SHLD2: variants seen among roughly 807,000 people sequenced by gnomAD.
SHLD2 encodes the protein shieldin complex subunit 2, also known as RINN1-REV7-interacting novel NHEJ regulator 2.
A neutral mutation model predicts 73.2 loss-of-function variants in SHLD2; 30 were observed. The observed-to-expected ratio is 0.41, with a 90% CI of 0.31 to 0.56. The LOEUF (loss-of-function observed/expected upper bound fraction) is 0.56. SHLD2 is among the 20% of genes least tolerant of loss of function. The probability of loss-of-function intolerance (pLI) is 0.28; values close to 1 mark genes in which losing one functional copy is unlikely to be tolerated. For missense variants in SHLD2, 745 were observed against 1,055.9 expected (o/e 0.71, Z 4.08); for synonymous variants, 285 against 370.1 (o/e 0.77, Z 2.64).
At chr10:87,138,368 T>A in intron 2 of SHLD2, among the ~76,000 whole-genome samples, 3 of 144,722 alleles carry the variant, frequency 2.1e-5, no homozygotes, top group Admixed American at 6.9e-5. Context: ...CATAAAGAGC[T>A]GAAAGAAAAA....
intron 2 of SHLD2, among the ~76,000 whole-genome samples, chr10:87,138,558 G>A (rs1178898900): frequency 1.3e-5 from 2 of 152,142 alleles, no homozygotes; most frequent in South Asian, 4.1e-4. Context: ...CAGCATATAT[G>A]TGATTATACA....
At chr10:87,187,910 G>A (rs1322763125) in intron 9 of SHLD2, among the ~76,000 whole-genome samples, 2 of 152,108 alleles carry the variant, frequency 1.3e-5, no homozygotes, top group African/African-American at 4.8e-5. Context: ...TTCAGGTTTT[G>A]TTGTTTCTCT....
At chr10:87,116,873 A>G (rs1183588169) in intron 2 of SHLD2, among the ~76,000 whole-genome samples, 12 of 152,308 alleles carry the variant, frequency 7.9e-5, no homozygotes, top group Non-Finnish European at 2.9e-5. Context: ...AGGAGGCAAG[A>G]TATTTCAGTA....
intron 2 of SHLD2, among the ~76,000 whole-genome samples, chr10:87,143,222 A>G (rs1293460393): frequency 1.6e-4 from 25 of 152,074 alleles, no homozygotes; most frequent in Non-Finnish European, 1.5e-5. Flanking sequence ...TACAAGCTTG[A>G]GCCACTATGC....
intron 2 of SHLD2, among the ~76,000 whole-genome samples, chr10:87,147,446 G>A (rs1845705412): frequency 1.3e-5 from 2 of 151,844 alleles, no homozygotes; most frequent in South Asian, 4.2e-4. Context: ...AACTGCAGTG[G>A]TGAAGCACTG....
intron 3 of SHLD2, among the ~76,000 whole-genome samples, chr10:87,156,354 C>T (rs574951175): frequency 3.9e-5 from 6 of 152,228 alleles, no homozygotes; most frequent in South Asian, 4.1e-4. Context: ...CGTGAGCCAT[C>T]GCGCCCGGCC....
chr10:87,095,565 C>G (rs943296920), intron 1 of SHLD2, among the ~76,000 whole-genome samples: 2 of 152,224 alleles, frequency 1.3e-5, no homozygotes, highest in African/African-American at 4.8e-5. Flanking sequence ...GAGGGCTCGG[C>G]GTCACCAGCC....
At chr10:87,170,750 T>A (rs1847542014) in intron 5 of SHLD2, 78 bp downstream of exon 5, 1 of 1,532,822 alleles carries the variant, frequency 6.5e-7, no homozygotes, top group African/African-American at 1.4e-5. Flanking sequence ...TACCATTTGG[T>A]TATCACTATA....
At chr10:87,179,232 G>C (rs1255070575) in intron 7 of SHLD2, among the ~76,000 whole-genome samples, 1 of 152,274 alleles carries the variant, frequency 6.6e-6, no homozygotes, top group Admixed American at 6.5e-5. Flanking sequence ...GAATATGCTT[G>C]AGGTTTCTTG....
intron 2 of SHLD2, among the ~76,000 whole-genome samples, chr10:87,144,243 G>C (rs1016886375): frequency 6.6e-6 from 1 of 152,082 alleles, no homozygotes; most frequent in African/African-American, 2.4e-5. Context: ...TTGGGAGAAG[G>C]CAAATGCCCT....
chr10:87,096,570 T>C, intron 1 of SHLD2, among the ~76,000 whole-genome samples: 1 of 151,882 alleles, frequency 6.6e-6, no homozygotes, highest in East Asian at 1.9e-4. Context: ...CTCGTCTCTA[T>C]AAAAAGAAAA....
At position 87,144,657 on chromosome 10, in the gene SHLD2, C is replaced by T. The variant is rs2760456; in HGVS notation, c.-5-6693C>T. On this transcript the variant is annotated intron_variant, in intron 2 of 9. Coordinates refer to ENST00000298786, the MANE Select transcript of SHLD2 (RefSeq NM_001330112.2). ...TTTTTTTTTTTTTGAGATGGTGTCT[C>T]GCTTTGTTGCCCAGGCTGGAATGCA... 4.6e-5 allele frequency among the ~76,000 whole-genome samples: 5 copies of T among 109,642 alleles called. No individual in the cohort carries two copies. In the East Asian group the frequency reaches 1.4e-3, roughly 30 times the overall value. The allele number at this position is 109,642 out of a possible 152,430, so 71.9% of individuals were successfully genotyped here.
chr10:87,138,414 C>G (rs954480503), intron 2 of SHLD2, among the ~76,000 whole-genome samples: 69 of 150,972 alleles, frequency 4.6e-4, no homozygotes, highest in Admixed American at 7.2e-4. Context: ...TTTCTATGGC[C>G]AGCAGAAATA....
intron 2 of SHLD2, among the ~76,000 whole-genome samples, chr10:87,119,838 C>G (rs1843483619): frequency 6.6e-6 from 1 of 151,472 alleles, no homozygotes. Flanking sequence ...ACAATTACTA[C>G]TGGATGCCTG....
At chr10:87,112,862 A>G (rs997833309) in intron 2 of SHLD2, among the ~76,000 whole-genome samples, 1 of 152,184 alleles carries the variant, frequency 6.6e-6, no homozygotes, top group African/African-American at 2.4e-5. Context: ...TCAAAAAGTT[A>G]AACATACAGT....
intron 2 of SHLD2, among the ~76,000 whole-genome samples, chr10:87,139,460 TAGAAA>T (rs1257991642): frequency 6.6e-6 from 1 of 151,956 alleles, no homozygotes; most frequent in Non-Finnish European, 1.5e-5. Context: ...GAAAAATCAA[TAGAAA>T]AGAGACCTAG....
Position 87,190,808 on chromosome 10 carries a change from G to A in SHLD2, c.*125G>A, listed in dbSNP as rs972480782. ...TGAAATATATTTTACAAAGAGAATTGCACTAGATATATAAATTAAAACTTT... is the reference window on the plus strand; with the variant it reads ...TGAAATATATTTTACAAAGAGAATTACACTAGATATATAAATTAAAACTTT... On this transcript the variant is annotated 3_prime_UTR_variant, in exon 10 of 10. Transcript: ENST00000298786. 1.2e-4 allele frequency: 88 copies of A among 739,896 alleles called. 2 individuals carry two copies. The Admixed American group carries it at 2.4e-3, about 20-fold the overall frequency. 45.8% of individuals were successfully genotyped at this position (739,896 alleles called of 1,614,324 possible).
rs75375223 is a variant in SHLD2 at position 87,124,477 on chromosome 10, A to C, written c.-5-26873A>C. On this transcript the variant is annotated intron_variant, in intron 2 of 9. Transcript: ENST00000298786. Reference sequence around the variant, plus strand: ...CTTGAGCCCAGGAGGTTGAGGCTGCAGTGAGCTGTGATCGCACCACTGCAC... The same window carrying C: ...CTTGAGCCCAGGAGGTTGAGGCTGCCGTGAGCTGTGATCGCACCACTGCAC... 2.5e-3 allele frequency among the ~76,000 whole-genome samples: 375 copies of C among 152,292 alleles called. 2 individuals carry two copies. Among genetic ancestry groups the C allele is most frequent in the South Asian group, 0.024 (118 of 4,818 alleles).
intron 8 of SHLD2, among the ~76,000 whole-genome samples, chr10:87,183,165 T>C (rs924720324): frequency 1.3e-5 from 2 of 152,134 alleles, no homozygotes; most frequent in African/African-American, 2.4e-5. Context: ...GGTCGGAAAA[T>C]AGTTTGCAAG....
Sources: gnomAD v4.1 joint callset for allele counts (sites outside exome capture counted in the v4.1 genomes callset) on GRCh38, gnomAD v4.1.1 for gene constraint, MANE v1.5 for transcripts, NCBI Gene and HGNC (gene_info 2026-07-23, HGNC 2026-07-21) for gene names.